Variants in RYK observed in about 807,000 individuals in gnomAD.
RYK encodes the protein inactive tyrosine-protein kinase RYK.
In RYK, 21 loss-of-function variants were observed where a neutral mutation model predicts 70.2. The ratio of observed to expected loss-of-function variants is 0.30; its 90% CI spans 0.21 to 0.43. The LOEUF (loss-of-function observed/expected upper bound fraction) is 0.43. Ranked by LOEUF, RYK falls within the 20% of genes least tolerant of loss-of-function variation. The pLI, the probability that RYK is intolerant of heterozygous loss-of-function variation, is 1.00. For synonymous variants in RYK, 267 were observed against 278.0 expected, an observed-to-expected ratio of 0.96 and a Z score of 0.39; for missense variants, 604 against 753.3, an observed-to-expected ratio of 0.80 and a Z score of 2.32.
chr3:134,188,189 G>A (rs1304700430), intron 9 of RYK, among the ~76,000 whole-genome samples: 1 of 133,924 alleles, frequency 7.5e-6, no homozygotes, highest in African/African-American at 2.7e-5. Flanking sequence ...TTTTGAGACA[G>A]AGTCTCTGTC....
At chr3:134,203,702 AGT>A (rs1281133896) in intron 5 of RYK, among the ~76,000 whole-genome samples, 2 of 152,244 alleles carry the variant, frequency 1.3e-5, no homozygotes, top group Non-Finnish European at 2.9e-5. Context: ...GTCACTCACA[AGT>A]GGTATACATA....
chr3:134,246,279 A>G (rs2107699346), intron 1 of RYK, among the ~76,000 whole-genome samples: 1 of 150,096 alleles, frequency 6.7e-6, no homozygotes, highest in South Asian at 2.1e-4. Context: ...CAACAACCAA[A>G]CCAACAGACA....
intron 13 of RYK, among the ~76,000 whole-genome samples, chr3:134,161,520 C>T (rs1488553089): frequency 6.6e-6 from 1 of 152,126 alleles, no homozygotes; most frequent in Admixed American, 6.5e-5. Context: ...GCAAAACTGT[C>T]CCAGTTAAGA....
intron 13 of RYK, among the ~76,000 whole-genome samples, chr3:134,161,143 C>T (rs2012457968): frequency 6.6e-6 from 1 of 152,110 alleles, no homozygotes; most frequent in African/African-American, 2.4e-5. Flanking sequence ...AAAGCAAAAA[C>T]AGCTAACAAT....
At chr3:134,176,171 C>G (rs1016589116) in intron 11 of RYK, 132 bp from the exon 12 acceptor site, 1 of 639,260 alleles carries the variant, frequency 1.6e-6, no homozygotes, top group African/African-American at 1.8e-5. Context: ...TTTTTAAAAG[C>G]TATTTCTTGA....
At chr3:134,231,261 C>T (rs937520131) in intron 1 of RYK, among the ~76,000 whole-genome samples, 3 of 150,796 alleles carry the variant, frequency 2.0e-5, no homozygotes, top group African/African-American at 4.9e-5. Flanking sequence ...TTTGATAATT[C>T]GTGGTTTTGT....
chr3:134,247,014 T>C (rs2015484230), intron 1 of RYK, among the ~76,000 whole-genome samples: 2 of 152,070 alleles, frequency 1.3e-5, no homozygotes, highest in Admixed American at 6.5e-5. Flanking sequence ...GCATTTAACA[T>C]ACTTCTTGGA....
At chr3:134,211,456 G>A (rs191276126) in intron 3 of RYK, 52 bp downstream of exon 3, 86 of 1,273,342 alleles carry the variant, frequency 6.8e-5, no homozygotes, top group Admixed American at 9.2e-5. Context: ...GGGGCCATAG[G>A]GGATGCAGTT....
At chr3:134,245,470 T>A (rs1441162533) in intron 1 of RYK, among the ~76,000 whole-genome samples, 1 of 151,710 alleles carries the variant, frequency 6.6e-6, no homozygotes, top group Admixed American at 6.6e-5. Context: ...GATGGCAAAG[T>A]ACTTGAAGGA....
chr3:134,164,277 T>C (rs2012581931), intron 13 of RYK, among the ~76,000 whole-genome samples: 1 of 152,222 alleles, frequency 6.6e-6, no homozygotes, highest in Non-Finnish European at 1.5e-5. Flanking sequence ...AGCTGACACA[T>C]AAGAAATTGC....
At chr3:134,222,276 T>C (rs888374867) in intron 2 of RYK, 142 bp downstream of exon 2, 11 of 851,300 alleles carry the variant, frequency 1.3e-5, no homozygotes, top group Non-Finnish European at 2.0e-5. Flanking sequence ...ATTTGAAATA[T>C]AAATCTGAAA....
chr3:134,250,328 C>A, intron 1 of RYK, 95 bp downstream of exon 1: 1 of 658,582 alleles, frequency 1.5e-6, no homozygotes, highest in Non-Finnish European at 2.1e-6. Context: ...AGGGTACTCG[C>A]CCGAGGTCCA....
In RYK at chr3:134,249,917, G is replaced by GTTTTTTTTTTTTTTTTTT. The variant is rs71624038; in HGVS notation, c.232+488_232+505dup. Among the ~76,000 whole-genome samples the GTTTTTTTTTTTTTTTTTT allele has an allele frequency of 1.1e-4, 10 of 93,340 alleles. 1 individual carries two copies. The highest frequency in any genetic ancestry group is 5.3e-4 in the African/African-American group (10 of 18,906). 61.2% of individuals were successfully genotyped at this position (93,340 alleles called of 152,430 possible). On this transcript the variant is annotated intron_variant, in intron 1 of 14. Coordinates refer to ENST00000623711, the MANE Select transcript of RYK (RefSeq NM_002958.4). ...TATAACCTCCCCTTCTTTCTCTCTC[G>GTTTTTTTTTTTTTTTTTT]TTTTTTTTTTTTTTTTTTTTTTTTT...
intron 13 of RYK, 98 bp from the exon 14 acceptor site, chr3:134,159,471 C>T: frequency 8.4e-7 from 1 of 1,194,496 alleles, no homozygotes; most frequent in Non-Finnish European, 1.1e-6. Flanking sequence ...AACAGCTCAA[C>T]TCATGCTTTG....
At chr3:134,188,803 G>T in intron 9 of RYK, 34 bp downstream of exon 9, 1 of 1,292,322 alleles carries the variant, frequency 7.7e-7, no homozygotes, top group Non-Finnish European at 1.1e-6. Context: ...AGACAGAAGA[G>T]CATCATGGAA....
intron 4 of RYK, among the ~76,000 whole-genome samples, chr3:134,209,034 G>A (rs1271949388): frequency 3.9e-5 from 6 of 152,096 alleles, no homozygotes; most frequent in Non-Finnish European, 8.8e-5. Flanking sequence ...AACTTGTAAG[G>A]AGAACTCTAA....
At chr3:134,182,025 C>T (rs1390656876) in intron 10 of RYK, among the ~76,000 whole-genome samples, 1 of 151,874 alleles carries the variant, frequency 6.6e-6, no homozygotes, top group Non-Finnish European at 1.5e-5. Context: ...ATTAGCCAGG[C>T]GTGCCTATAG....
rs964168824 is a variant in RYK, at chr3:134,208,925, T to C, written c.589+770A>G. Among the ~76,000 whole-genome samples the C allele has an allele frequency of 3.0e-3, 451 of 150,314 alleles. 1 individual carries two copies. Among genetic ancestry groups the C allele is most frequent in the African/African-American group, 0.01 (411 of 40,870 alleles). ...TTGCGAGGTTTTTTTAAAGTATATT[T>C]CCCCCCCCCATCTTAGATACTAACC... On this transcript the variant is annotated intron_variant, in intron 4 of 14. Coordinates refer to ENST00000623711, the MANE Select transcript of RYK (RefSeq NM_002958.4).
chr3:134,187,797 C>G (rs1364531636), intron 9 of RYK, among the ~76,000 whole-genome samples: 2 of 151,004 alleles, frequency 1.3e-5, no homozygotes, highest in African/African-American at 4.9e-5. Flanking sequence ...TGGACTCAAG[C>G]AATCCTCCTG....
Sources: gnomAD v4.1 joint callset for allele counts (sites outside exome capture counted in the v4.1 genomes callset) on GRCh38, gnomAD v4.1.1 for gene constraint, MANE v1.5 for transcripts, NCBI Gene and HGNC (gene_info 2026-07-23, HGNC 2026-07-21) for gene names.